The following RNF38 variants were observed in gnomAD, a reference collection of about 807,000 sequenced individuals.
The protein encoded by RNF38 is ring finger protein 38.
RNF38 carries 15 observed loss-of-function variants against 67.2 expected under a neutral mutation model. That is an observed-to-expected ratio of 0.22 (90% CI 0.15 to 0.34). The LOEUF is 0.34. Ranked by LOEUF, RNF38 falls within the 10% of genes least tolerant of loss-of-function variation. The pLI, the probability that RNF38 is intolerant of heterozygous loss-of-function variation, is 1.00. For missense variants in RNF38, 524 were observed against 639.9 expected, an observed-to-expected ratio of 0.82 and a Z score of 1.95; for synonymous variants, 220 against 218.8, an observed-to-expected ratio of 1.01 and a Z score of -0.05.
intron 3 of RNF38, among the ~76,000 whole-genome samples, chr9:36,370,429 A>T (rs776344139): frequency 2.9e-4 from 44 of 152,202 alleles, no homozygotes; most frequent in Non-Finnish European, 3.8e-4. Context: ...AGAAAACATG[A>T]AATAACCAAA....
chr9:36,383,036 C>T (rs1344841508), intron 2 of RNF38, among the ~76,000 whole-genome samples: 1 of 152,096 alleles, frequency 6.6e-6, no homozygotes, highest in African/African-American at 2.4e-5. Flanking sequence ...AAGACAAGAT[C>T]CTTTTTTGTT....
intron 1 of RNF38, among the ~76,000 whole-genome samples, chr9:36,464,739 T>C (rs1564073126): frequency 6.6e-6 from 1 of 152,098 alleles, no homozygotes; most frequent in Non-Finnish European, 1.5e-5. Context: ...CAAAACAAGT[T>C]AAAATACAGA....
intron 2 of RNF38, among the ~76,000 whole-genome samples, chr9:36,416,673 T>C (rs56258823): frequency 0.026 from 3,823 of 149,404 alleles, 81 homozygotes; most frequent in Non-Finnish European, 0.038. Context: ...CCTGGTAAGA[T>C]AAAAGTCAGA....
chr9:36,374,981 T>C (rs781041669), intron 3 of RNF38, among the ~76,000 whole-genome samples: 3 of 152,160 alleles, frequency 2.0e-5, no homozygotes, highest in Non-Finnish European at 2.9e-5. Context: ...CTCAAGATCA[T>C]TGATATTCCT....
At position 36,390,572 on chromosome 9, in the gene RNF38, G is replaced by A; in HGVS notation, c.57C>T (p.Asn19=). ...GTCTCACCCTTTCACAAATCACCTT[G>A]TTAGGATGGCCAGGTAGAGATGCTG... ...ANSASLPGHP[N]KVICERVRLQ... is the part of the protein sequence containing the mutation. The change falls in exon 2 of 12, where the codon AAC becomes AAT. Residue 19 remains asparagine (N), a synonymous_variant. Transcript: ENST00000259605. The A allele has an allele frequency of 6.2e-7, 1 of 1,614,078 alleles. No individual in the cohort carries two copies. Among genetic ancestry groups the A allele is most frequent in the Non-Finnish European group, 8.5e-7 (1 of 1,179,996 alleles).
chr9:36,384,692 T>G (rs1836467560), intron 2 of RNF38, among the ~76,000 whole-genome samples: 1 of 152,242 alleles, frequency 6.6e-6, no homozygotes, highest in South Asian at 2.1e-4. Context: ...TATATATCAT[T>G]TTAATGGGAA....
At chr9:36,375,852 G>GA (rs1835747839) in intron 3 of RNF38, 82 bp downstream of exon 3, 7 of 1,340,830 alleles carry the variant, frequency 5.2e-6, no homozygotes, top group Non-Finnish European at 7.1e-6. Context: ...AATGCCTACA[G>GA]AAAAAATGTT....
chr9:36,427,177 T>C (rs1838794025), intron 1 of RNF38, among the ~76,000 whole-genome samples: 1 of 152,180 alleles, frequency 6.6e-6, no homozygotes, highest in African/African-American at 2.4e-5. Flanking sequence ...TGCAGCACAT[T>C]TCCTGACTCA....
intron 1 of RNF38, among the ~76,000 whole-genome samples, chr9:36,448,614 T>C: frequency 6.6e-6 from 1 of 152,116 alleles, no homozygotes; most frequent in Non-Finnish European, 1.5e-5. Flanking sequence ...CAGAACTAGA[T>C]AATGTAAAGT....
chr9:36,342,991 A>G (rs1832960321), intron 10 of RNF38, among the ~76,000 whole-genome samples: 2 of 152,306 alleles, frequency 1.3e-5, no homozygotes, highest in South Asian at 4.1e-4. Context: ...TTTATATACA[A>G]TGGTATAGTA....
intron 1 of RNF38, among the ~76,000 whole-genome samples, chr9:36,465,692 G>A (rs576978420): frequency 6.6e-6 from 1 of 152,304 alleles, no homozygotes; most frequent in East Asian, 1.9e-4. Context: ...CAATCCATAT[G>A]TGCATTAACT....
chr9:36,366,371 CAA>C (rs1428420718), intron 4 of RNF38, among the ~76,000 whole-genome samples: 1 of 151,204 alleles, frequency 6.6e-6, no homozygotes, highest in Non-Finnish European at 1.5e-5. Flanking sequence ...CAAACAGAAT[CAA>C]AAAAAAGCTT....
At chr9:36,468,338 A>G (rs551457454) in intron 1 of RNF38, among the ~76,000 whole-genome samples, 2 of 152,210 alleles carry the variant, frequency 1.3e-5, no homozygotes, top group African/African-American at 4.8e-5. Flanking sequence ...CAGGTATATA[A>G]TACATGCTAC....
intron 1 of RNF38, among the ~76,000 whole-genome samples, chr9:36,447,653 C>T (rs1312557193): frequency 6.6e-6 from 1 of 152,080 alleles, no homozygotes; most frequent in African/African-American, 2.4e-5. Context: ...TTAATATAAT[C>T]TGAACTCTTC....
intron 1 of RNF38, among the ~76,000 whole-genome samples, chr9:36,471,556 G>C (rs956130347): frequency 3.3e-5 from 5 of 152,108 alleles, no homozygotes; most frequent in African/African-American, 1.2e-4. Context: ...GGTAATCCCA[G>C]CTACTCCAGA....
intron 1 of RNF38, among the ~76,000 whole-genome samples, chr9:36,441,614 G>A (rs770203902): frequency 5.3e-5 from 8 of 152,076 alleles, no homozygotes; most frequent in Non-Finnish European, 8.8e-5. Flanking sequence ...GAGCCACCGC[G>A]CCTGGCCCCA....
At position 36,342,360 on chromosome 9, in the gene RNF38, C is replaced by T. The variant is rs772512839; in HGVS notation, c.1450G>A (p.Glu484Lys). ...TTGTCAACACACTTGGCATGGAACT[C>T]GTGGTTACAGGGTAAGACTCTAAGT... is the stretch of plus-strand genomic sequence containing the variant. The part of the protein sequence containing the change: ...QLLRVLPCNH[E>K]FHAKCVDKWL... Residue 484 changes from glutamate (E) to lysine (K), a missense_variant, in exon 11 of 12, where the codon GAG (glutamate) becomes AAG (lysine). Transcript: ENST00000259605. 4.3e-6 allele frequency: 7 copies of T among 1,613,630 alleles called. No individual in the cohort carries two copies. The highest frequency in any genetic ancestry group is 1.3e-5 in the African/African-American group (1 of 74,894).
chr9:36,388,061 C>G (rs1203507546), intron 2 of RNF38, among the ~76,000 whole-genome samples: 1 of 152,008 alleles, frequency 6.6e-6, no homozygotes, highest in Non-Finnish European at 1.5e-5. Context: ...ATCATTTATA[C>G]TAACTTCAGA....
At chr9:36,367,745 T>C (rs1835087226) in intron 4 of RNF38, among the ~76,000 whole-genome samples, 1 of 152,238 alleles carries the variant, frequency 6.6e-6, no homozygotes, top group Non-Finnish European at 1.5e-5. Flanking sequence ...AGTTTCATTG[T>C]TAAGGTTGTG....
Sources: gnomAD v4.1 joint callset for allele counts (sites outside exome capture counted in the v4.1 genomes callset) on GRCh38, gnomAD v4.1.1 for gene constraint, MANE v1.5 for transcripts, NCBI Gene and HGNC (gene_info 2026-07-23, HGNC 2026-07-21) for gene names.